The following TCF4 variants were observed in gnomAD, a reference collection of about 807,000 sequenced individuals.
The protein encoded by TCF4 is transcription factor 4.
TCF4 carries 3 observed loss-of-function variants against 82.1 expected under a neutral mutation model. That is an observed-to-expected ratio of 0.04 (90% CI 0.02 to 0.09). The LOEUF (loss-of-function observed/expected upper bound fraction) is 0.09. Among genes scored for constraint, TCF4 ranks in the 10% least tolerant of loss-of-function variants. The pLI, the probability that TCF4 is intolerant of heterozygous loss-of-function variation, is 1.00. For missense variants in TCF4, 518 were observed against 852.7 expected, an observed-to-expected ratio of 0.61 and a Z score of 4.89; for synonymous variants, 276 against 309.6, an observed-to-expected ratio of 0.89 and a Z score of 1.14.
At chr18:55,588,242 G>C, upstream of TCF4, 1 of 1,414,584 alleles carries the variant, frequency 7.1e-7, no homozygotes, top group Non-Finnish European at 9.2e-7. Context: ...TCTTCTCCGG[G>C]GAGGGGAGGG....
intron 8 of TCF4, among the ~76,000 whole-genome samples, chr18:55,333,933 T>G (rs769396128): frequency 2.4e-4 from 36 of 152,220 alleles, no homozygotes; most frequent in Non-Finnish European, 4.6e-4. Context: ...GGCTACATGA[T>G]AATTATATAA....
chr18:55,236,075 G>A (rs866505451), intron 15 of TCF4, among the ~76,000 whole-genome samples: 3 of 130,546 alleles, frequency 2.3e-5, no homozygotes, highest in Non-Finnish European at 4.4e-5. Flanking sequence ...GTGCATGTGT[G>A]TGTGTGTGTG....
At chr18:55,367,425 G>C (rs142613945) in intron 6 of TCF4, among the ~76,000 whole-genome samples, 244 of 152,260 alleles carry the variant, frequency 1.6e-3, no homozygotes, top group Non-Finnish European at 2.8e-3. Flanking sequence ...TGGCTAAAGG[G>C]GTTGAGGAAA....
In TCF4 at chr18:55,400,990, G is replaced by A. The variant is rs533219077; in HGVS notation, c.369+2464C>T. On this transcript the variant is annotated intron_variant, in intron 6 of 19. Coordinates refer to ENST00000354452, the MANE Select transcript of TCF4 (RefSeq NM_001083962.2). ...AAGAAAACAAAAGCCTCCCCTCCACGAGTCACTCACCTTGTCACACAGTGG... is the reference window on the plus strand; with the variant it reads ...AAGAAAACAAAAGCCTCCCCTCCACAAGTCACTCACCTTGTCACACAGTGG... The A allele has an allele frequency of 3.9e-5, 50 of 1,289,036 alleles. No homozygotes were observed. The East Asian group carries it at 1.3e-3, about 33-fold the overall frequency. The allele number at this position is 1,289,036 out of a possible 1,614,324, so 79.8% of individuals were successfully genotyped here.
intron 5 of TCF4, among the ~76,000 whole-genome samples, chr18:55,413,916 T>C (rs748504299): frequency 1.3e-5 from 2 of 152,224 alleles, no homozygotes; most frequent in Non-Finnish European, 2.9e-5. Context: ...TTAATATTTG[T>C]TGGGTGCTTT....
intron 5 of TCF4, among the ~76,000 whole-genome samples, chr18:55,445,816 T>C (rs1472092234): frequency 1.3e-5 from 2 of 152,182 alleles, no homozygotes; most frequent in African/African-American, 4.8e-5. Context: ...ATCAGGATAG[T>C]TCTAACCAAC....
chr18:55,538,138 A>G (rs1360596992), intron 3 of TCF4, among the ~76,000 whole-genome samples: 6 of 151,790 alleles, frequency 4.0e-5, no homozygotes, highest in Non-Finnish European at 7.4e-5. Flanking sequence ...AGCTCATTTG[A>G]TTTGCATTAC....
At chr18:55,404,681 C>T (rs1373605723) in intron 5 of TCF4, among the ~76,000 whole-genome samples, 3 of 152,122 alleles carry the variant, frequency 2.0e-5, no homozygotes, top group Non-Finnish European at 2.9e-5. Context: ...TCTTTTAGGT[C>T]AATGGCAATG....
intron 2 of TCF4, among the ~76,000 whole-genome samples, chr18:55,627,499 C>G (rs1049732527): frequency 1.1e-4 from 16 of 152,208 alleles, no homozygotes; most frequent in Admixed American, 6.5e-5. Flanking sequence ...CGCAGTGGCT[C>G]ACACCTGTAA....
At chr18:55,560,571 T>C (rs958375955) in intron 3 of TCF4, among the ~76,000 whole-genome samples, 1 of 152,138 alleles carries the variant, frequency 6.6e-6, no homozygotes, top group Non-Finnish European at 1.5e-5. Flanking sequence ...AAGGCTTCTC[T>C]GATCATGCCT....
intron 2 of TCF4, among the ~76,000 whole-genome samples, chr18:55,594,825 C>A (rs1243991878): frequency 6.6e-6 from 1 of 152,194 alleles, no homozygotes; most frequent in African/African-American, 2.4e-5. Flanking sequence ...TATGGCAGAG[C>A]TGAGATTTAA....
chr18:55,283,799 AG>A, intron 8 of TCF4, among the ~76,000 whole-genome samples: 1 of 152,346 alleles, frequency 6.6e-6, no homozygotes, highest in East Asian at 1.9e-4. Flanking sequence ...TAAAGAAACT[AG>A]AATGGAACCT....
At chr18:55,566,191 C>T (rs1238853) in intron 3 of TCF4, among the ~76,000 whole-genome samples, 8 of 151,700 alleles carry the variant, frequency 5.3e-5, no homozygotes, top group African/African-American at 9.7e-5. Context: ...CCAGCCTGGG[C>T]GACAGAGCGA....
intron 10 of TCF4, among the ~76,000 whole-genome samples, chr18:55,275,275 G>GGAAAAAAAAAAA (rs1555795909): frequency 2.8e-5 from 2 of 71,376 alleles, no homozygotes; most frequent in South Asian, 6.4e-4. Flanking sequence ...ACTACAGATA[G>GGAAAAAAAAAAA]AAAAAAAAAA....
At chr18:55,435,098 C>G (rs373360656) in intron 5 of TCF4, among the ~76,000 whole-genome samples, 1 of 152,106 alleles carries the variant, frequency 6.6e-6, no homozygotes, top group African/African-American at 2.4e-5. Flanking sequence ...AAACCTTCTA[C>G]TCTTAAGTTC....
At chr18:55,435,004 T>C (rs149674326) in intron 5 of TCF4, among the ~76,000 whole-genome samples, 1 of 152,172 alleles carries the variant, frequency 6.6e-6, no homozygotes, top group East Asian at 1.9e-4. Context: ...AATCACCCTG[T>C]TGTGCCATCA....
intron 3 of TCF4, among the ~76,000 whole-genome samples, chr18:55,544,107 G>A (rs935833651): frequency 1.3e-5 from 2 of 152,194 alleles, no homozygotes; most frequent in Non-Finnish European, 2.9e-5. Flanking sequence ...TTGCTTTACA[G>A]TAATTCTGTT....
At chr18:55,365,995 GATATA>G (rs2086976808) in intron 6 of TCF4, among the ~76,000 whole-genome samples, 3 of 134,552 alleles carry the variant, frequency 2.2e-5, no homozygotes, top group Admixed American at 7.5e-5. Context: ...TATAGATATA[GATATA>G]GATATAGATA....
At chr18:55,314,878 C>A (rs2073681928) in intron 8 of TCF4, among the ~76,000 whole-genome samples, 3 of 152,024 alleles carry the variant, frequency 2.0e-5, no homozygotes, top group Non-Finnish European at 4.4e-5. Flanking sequence ...TAAACAGGAT[C>A]ATTATTGGTG....
Sources: gnomAD v4.1 joint callset for allele counts (sites outside exome capture counted in the v4.1 genomes callset) on GRCh38, gnomAD v4.1.1 for gene constraint, MANE v1.5 for transcripts, NCBI Gene and HGNC (gene_info 2026-07-23, HGNC 2026-07-21) for gene names.